The following EYS variants were observed in gnomAD, a reference collection of about 807,000 sequenced individuals.
EYS encodes the protein protein eyes shut homolog.
EYS carries 250 observed loss-of-function variants against 282.1 expected under a neutral mutation model. That is an observed-to-expected ratio of 0.89 (90% confidence interval 0.80 to 0.98). The LOEUF (loss-of-function observed/expected upper bound fraction) is 0.98, where lower values mean the gene tolerates loss of function less well. Ranked by LOEUF, EYS falls within the 50% of genes least tolerant of loss-of-function variation. EYS has a pLI of 0.00. For missense variants in EYS, 4,016 were observed against 3,709.0 expected (o/e 1.08, Z -2.15); for synonymous variants, 1,355 against 1,282.9 (o/e 1.06, Z -1.20).
rs749480447 is a variant in EYS, at chr6:63,762,629, T to C, written c.7903A>G (p.Asn2635Asp). 2.6e-6 allele frequency: 4 copies of C among 1,549,756 alleles called. No homozygotes were observed. Among genetic ancestry groups the C allele is most frequent in the Non-Finnish European group, 3.5e-6 (4 of 1,145,820 alleles). ...CIESGTSVYC[N>D]CTTGWKGSFC... ...GATCCTTTCCACCCAGTGGTACAATTGCAGCTGTGGGTTGAGAGAAAGCCG... is the reference window on the plus strand; with the variant it reads ...GATCCTTTCCACCCAGTGGTACAATCGCAGCTGTGGGTTGAGAGAAAGCCG... The change falls in exon 41 of 43, where the codon AAT becomes GAT. Residue 2635 changes from asparagine to aspartate, a missense_variant. By Grantham distance (23) the Asn-to-Asp change is conservative. Transcript: ENST00000503581.
intron 13 of EYS, among the ~76,000 whole-genome samples, chr6:65,044,121 G>T (rs527298463): frequency 2.0e-4 from 31 of 151,710 alleles, no homozygotes; most frequent in African/African-American, 7.2e-4. Context: ...TATAATATTT[G>T]TATTTCCCTC....
chr6:64,825,005 A>G (rs1765010737), intron 19 of EYS, among the ~76,000 whole-genome samples: 2 of 151,886 alleles, frequency 1.3e-5, no homozygotes, highest in African/African-American at 4.8e-5. Context: ...CACACATATC[A>G]AAGTCCCTTT....
Position 64,591,545 on chromosome 6 carries a change from T to C in EYS, c.4322A>G (p.Gln1441Arg). 6.4e-7 allele frequency: 1 copy of C among 1,551,302 alleles called. No homozygotes were observed. Among genetic ancestry groups the C allele is most frequent in the Non-Finnish European group, 8.7e-7 (1 of 1,146,734 alleles). The change falls in exon 26 of 43, where the codon CAG (glutamine) becomes CGG (arginine). Residue 1441 changes from glutamine to arginine, a missense_variant. Coordinates refer to ENST00000503581, the MANE Select transcript of EYS (RefSeq NM_001142800.2). ...CAGGAATCCACGGGAGAGTAATGAC[T>C]GCCTGTTTAGCTCAATATCAGCCCC... ...IPGADIELNR[Q>R]SLLSRGFLLI...
intron 12 of EYS, among the ~76,000 whole-genome samples, chr6:65,253,812 G>T (rs1163479095): frequency 6.6e-6 from 1 of 151,658 alleles, no homozygotes; most frequent in Admixed American, 6.6e-5. Flanking sequence ...CATTGTAAAT[G>T]GAAACTTTTT....
intron 2 of EYS, among the ~76,000 whole-genome samples, chr6:65,497,999 G>A (rs1319328793): frequency 6.6e-6 from 1 of 152,024 alleles, no homozygotes; most frequent in African/African-American, 2.4e-5. Context: ...AAACAATAAT[G>A]AAGACTAATT....
At chr6:65,348,657 T>C (rs768569588) in intron 9 of EYS, among the ~76,000 whole-genome samples, 8 of 151,746 alleles carry the variant, frequency 5.3e-5, no homozygotes, top group Non-Finnish European at 1.0e-4. Context: ...AAATATGATA[T>C]ACCATTCTGT....
intron 11 of EYS, among the ~76,000 whole-genome samples, chr6:65,296,787 A>AT (rs1312933026): frequency 2.6e-5 from 4 of 151,740 alleles, no homozygotes; most frequent in Non-Finnish European, 5.9e-5. Context: ...TATCCAATAT[A>AT]TTTTTCTAGT....
intron 28 of EYS, among the ~76,000 whole-genome samples, chr6:64,391,102 C>A (rs572694751): frequency 4.9e-4 from 75 of 152,196 alleles, no homozygotes; most frequent in African/African-American, 1.8e-3. Flanking sequence ...AGGAGCAAAG[C>A]CTCCAAGAAA....
chr6:64,819,304 C>A (rs1013894290), intron 21 of EYS, among the ~76,000 whole-genome samples: 2 of 151,844 alleles, frequency 1.3e-5, no homozygotes, highest in African/African-American at 4.8e-5. Context: ...AATGAATGAG[C>A]AAAATTACAT....
At chr6:65,506,945 G>T (rs1766682604) in intron 2 of EYS, among the ~76,000 whole-genome samples, 1 of 151,990 alleles carries the variant, frequency 6.6e-6, no homozygotes, top group Non-Finnish European at 1.5e-5. Context: ...TGGTTATCAG[G>T]TTATCATTAT....
chr6:64,692,687 C>T (rs185661554), intron 22 of EYS, among the ~76,000 whole-genome samples: 5 of 152,220 alleles, frequency 3.3e-5, no homozygotes, highest in South Asian at 2.1e-4. Context: ...GGTAGGCATC[C>T]AGCTTCAGCC....
intron 35 of EYS, among the ~76,000 whole-genome samples, chr6:63,915,506 T>G (rs1274063686): frequency 2.6e-5 from 4 of 152,214 alleles, no homozygotes; most frequent in African/African-American, 9.6e-5. Flanking sequence ...AGCCCATGAA[T>G]TAAGGAGTAT....
intron 18 of EYS, among the ~76,000 whole-genome samples, chr6:64,899,327 C>A (rs567439780): frequency 1.3e-5 from 2 of 152,132 alleles, no homozygotes; most frequent in Admixed American, 6.6e-5. Context: ...TACATGGAAA[C>A]TGAATGACCT....
At chr6:64,162,362 A>G (rs1185013507) in intron 31 of EYS, among the ~76,000 whole-genome samples, 1 of 152,170 alleles carries the variant, frequency 6.6e-6, no homozygotes, top group Non-Finnish European at 1.5e-5. Flanking sequence ...ATTTCCATGT[A>G]TCCAGCTCAG....
chr6:65,120,373 T>A (rs1300426174), intron 12 of EYS, among the ~76,000 whole-genome samples: 1 of 149,712 alleles, frequency 6.7e-6, no homozygotes, highest in South Asian at 2.1e-4. Context: ...TTAAGGCTCT[T>A]CTCTTACACA....
At chr6:65,233,041 T>C (rs1394329046) in intron 12 of EYS, among the ~76,000 whole-genome samples, 2 of 152,172 alleles carry the variant, frequency 1.3e-5, no homozygotes, top group Non-Finnish European at 2.9e-5. Flanking sequence ...CTGTATCTTA[T>C]TGATATTCTC....
At chr6:64,669,992 T>C (rs1769387258) in intron 22 of EYS, among the ~76,000 whole-genome samples, 1 of 152,200 alleles carries the variant, frequency 6.6e-6, no homozygotes, top group Non-Finnish European at 1.5e-5. Context: ...CTTTGACATG[T>C]AAATCTTTTA....
chr6:63,899,050 T>C (rs1485947333), intron 35 of EYS, among the ~76,000 whole-genome samples: 1 of 152,234 alleles, frequency 6.6e-6, no homozygotes, highest in South Asian at 2.1e-4. Context: ...AAGGTTAAGC[T>C]GAAAACAGCT....
intron 12 of EYS, among the ~76,000 whole-genome samples, chr6:65,249,695 G>A (rs1767269990): frequency 6.6e-6 from 1 of 151,962 alleles, no homozygotes; most frequent in African/African-American, 2.4e-5. Flanking sequence ...TTTATTGTGT[G>A]AAACACTTTT....
Sources: gnomAD v4.1 joint callset for allele counts (sites outside exome capture counted in the v4.1 genomes callset) on GRCh38, gnomAD v4.1.1 for gene constraint, MANE v1.5 for transcripts, NCBI Gene and HGNC (gene_info 2026-07-23, HGNC 2026-07-21) for gene names.